Variants in DPP10 observed in about 807,000 individuals in gnomAD.
The protein encoded by DPP10 is dipeptidyl peptidase like 10.
Under a neutral mutation model 120.9 loss-of-function variants are expected in DPP10, and 33 were observed. The observed-to-expected ratio is 0.27, with a 90% confidence interval of 0.21 to 0.37. The LOEUF is 0.37. Among genes scored for constraint, DPP10 ranks in the 10% least tolerant of loss-of-function variants. The pLI, the probability that DPP10 is intolerant of heterozygous loss-of-function variation, is 1.00. For synonymous variants in DPP10, 337 were observed against 326.1 expected (o/e 1.03, Z -0.36); for missense variants, 816 against 942.8 (o/e 0.87, Z 1.76).
At chr2:115,762,142 G>T (rs1680189271) in intron 11 of DPP10, among the ~76,000 whole-genome samples, 1 of 152,102 alleles carries the variant, frequency 6.6e-6, no homozygotes, top group African/African-American at 2.4e-5. Context: ...GATTATGAGT[G>T]AATTGAATAT....
intron 9 of DPP10, among the ~76,000 whole-genome samples, chr2:115,741,649 T>C (rs1459638671): frequency 6.6e-6 from 1 of 152,138 alleles, no homozygotes; most frequent in Non-Finnish European, 1.5e-5. Context: ...GGGAATACAA[T>C]CACATCTGAC....
chr2:115,680,850 A>G (rs920123570), intron 5 of DPP10, among the ~76,000 whole-genome samples: 2 of 151,990 alleles, frequency 1.3e-5, no homozygotes, highest in Admixed American at 1.3e-4. Flanking sequence ...TTAGAGATCA[A>G]TAAGAAAAAG....
At chr2:115,005,828 C>A (rs1701784385) in intron 1 of DPP10, among the ~76,000 whole-genome samples, 1 of 152,132 alleles carries the variant, frequency 6.6e-6, no homozygotes, top group Non-Finnish European at 1.5e-5. Flanking sequence ...CCCAATCTAG[C>A]AAGGCAGGCC....
chr2:115,663,201 A>G (rs1057121264), intron 5 of DPP10, among the ~76,000 whole-genome samples: 1 of 152,116 alleles, frequency 6.6e-6, no homozygotes, highest in South Asian at 2.1e-4. Flanking sequence ...CAATGTTTTA[A>G]ATTTCTTTTT....
At chr2:115,312,316 A>G (rs749601257) in intron 2 of DPP10, among the ~76,000 whole-genome samples, 21 of 152,172 alleles carry the variant, frequency 1.4e-4, no homozygotes, top group Non-Finnish European at 2.4e-4. Context: ...TATAACAACT[A>G]GTGGTTAGAA....
intron 1 of DPP10, among the ~76,000 whole-genome samples, chr2:115,054,914 A>G (rs1178023340): frequency 6.6e-6 from 1 of 152,196 alleles, no homozygotes; most frequent in Non-Finnish European, 1.5e-5. Flanking sequence ...TCTGTCTCAA[A>G]AAACGAAAGA....
chr2:115,676,194 TCCCC>T (rs2090243219), intron 5 of DPP10, among the ~76,000 whole-genome samples: 1 of 152,176 alleles, frequency 6.6e-6, no homozygotes, highest in Non-Finnish European at 1.5e-5. Flanking sequence ...CTGCCTGGTA[TCCCC>T]ACCTCTGAGC....
chr2:114,724,050 G>C (rs550601420), intron 1 of DPP10, among the ~76,000 whole-genome samples: 1 of 152,156 alleles, frequency 6.6e-6, no homozygotes, highest in African/African-American at 2.4e-5. Context: ...TGGGTTGATG[G>C]ATGTTTCTAT....
At chr2:115,697,075 A>T (rs2091632791) in intron 7 of DPP10, among the ~76,000 whole-genome samples, 1 of 152,150 alleles carries the variant, frequency 6.6e-6, no homozygotes, top group African/African-American at 2.4e-5. Context: ...AGAAAATAAT[A>T]AATATACACA....
chr2:114,524,497 A>G (rs1460282247), intron 1 of DPP10, among the ~76,000 whole-genome samples: 2 of 152,218 alleles, frequency 1.3e-5, no homozygotes, highest in Non-Finnish European at 2.9e-5. Flanking sequence ...CCAAAATATT[A>G]GTCCTGCCCT....
chr2:114,917,688 C>T (rs541659037), intron 1 of DPP10, among the ~76,000 whole-genome samples: 37 of 152,028 alleles, frequency 2.4e-4, no homozygotes, highest in Non-Finnish European at 4.3e-4. Context: ...ACAAAGCTGA[C>T]AAAAACAAGC....
intron 1 of DPP10, among the ~76,000 whole-genome samples, chr2:114,477,930 CAT>C (rs1213627386): frequency 3.0e-5 from 4 of 134,390 alleles, no homozygotes; most frequent in African/African-American, 8.7e-5. Context: ...TATATATGTA[CAT>C]ATGTGTATAT....
At chr2:114,452,712 A>G (rs1234437314) in intron 1 of DPP10, among the ~76,000 whole-genome samples, 1 of 152,126 alleles carries the variant, frequency 6.6e-6, no homozygotes, top group Non-Finnish European at 1.5e-5. Flanking sequence ...AAGATTAAGA[A>G]ATTATAATTT....
At chr2:114,454,337 C>G (rs1678447644) in intron 1 of DPP10, among the ~76,000 whole-genome samples, 1 of 152,126 alleles carries the variant, frequency 6.6e-6, no homozygotes, top group Non-Finnish European at 1.5e-5. Flanking sequence ...TGAGATATCT[C>G]TAGTTCCTAC....
At chr2:115,317,759 T>G (rs1282042942) in intron 2 of DPP10, among the ~76,000 whole-genome samples, 1 of 152,144 alleles carries the variant, frequency 6.6e-6, no homozygotes, top group African/African-American at 2.4e-5. Flanking sequence ...ATTGGCCATT[T>G]ATATATCTTC....
At chr2:115,492,274 T>C (rs1056472382) in intron 3 of DPP10, among the ~76,000 whole-genome samples, 3 of 152,134 alleles carry the variant, frequency 2.0e-5, no homozygotes, top group African/African-American at 7.2e-5. Flanking sequence ...ATTGCTTAGT[T>C]TGGTAAAAAA....
intron 17 of DPP10, among the ~76,000 whole-genome samples, 155 bp downstream of exon 17, chr2:115,782,554 A>C (rs1209321722): frequency 1.3e-5 from 2 of 152,094 alleles, no homozygotes; most frequent in Non-Finnish European, 2.9e-5. Context: ...GACCTTATGT[A>C]TGTAAGAGAA....
chr2:115,241,156 C>T (rs893326622), intron 1 of DPP10, among the ~76,000 whole-genome samples: 1 of 152,182 alleles, frequency 6.6e-6, no homozygotes, highest in African/African-American at 2.4e-5. Flanking sequence ...GTAATTCCAG[C>T]TACTCAGGAG....
At chr2:115,340,071 A>T (rs541759116) in intron 2 of DPP10, among the ~76,000 whole-genome samples, 2 of 152,304 alleles carry the variant, frequency 1.3e-5, no homozygotes, top group African/African-American at 2.4e-5. Flanking sequence ...TTTCTCTGTA[A>T]TATTTCTTGC....
Sources: gnomAD v4.1 joint callset for allele counts (sites outside exome capture counted in the v4.1 genomes callset) on GRCh38, gnomAD v4.1.1 for gene constraint, MANE v1.5 for transcripts, NCBI Gene and HGNC (gene_info 2026-07-23, HGNC 2026-07-21) for gene names.